Variants in COL13A1 observed in about 807,000 individuals in gnomAD.
COL13A1 encodes collagen alpha-1(XIII) chain.
A neutral mutation model predicts 130.9 loss-of-function variants in COL13A1; 89 were observed. That is an observed-to-expected ratio of 0.68 (90% confidence interval 0.57 to 0.81). The LOEUF is 0.81. Among genes scored for constraint, COL13A1 ranks in the 30% least tolerant of loss-of-function variants. COL13A1 has a pLI of 0.00. For synonymous variants in COL13A1, 402 were observed against 341.6 expected, an observed-to-expected ratio of 1.18 and a Z score of -1.95; for missense variants, 879 against 934.6, an observed-to-expected ratio of 0.94 and a Z score of 0.78.
intron 14 of COL13A1, among the ~76,000 whole-genome samples, chr10:69,900,137 C>T (rs1259269190): frequency 6.6e-6 from 1 of 152,194 alleles, no homozygotes. Context: ...GTACCAGGCC[C>T]ACCCCTGTCA....
chr10:69,829,494 G>A (rs747903889), intron 2 of COL13A1, among the ~76,000 whole-genome samples: 2 of 152,236 alleles, frequency 1.3e-5, no homozygotes, highest in African/African-American at 2.4e-5. Flanking sequence ...GACTATGGCT[G>A]ACGGGAGCCC....
chr10:69,906,799 C>T lies in COL13A1; in HGVS notation c.921+977C>T, dbSNP rs570240476. ...AGGCTGGAGTGCAATGGCGTGATCT[C>T]GGCTCACTGCAACCCCCGCCTCCCA... is the stretch of plus-strand genomic sequence containing the variant. On this transcript the variant is annotated intron_variant, in intron 17 of 40. Transcript: ENST00000645393. Among the ~76,000 whole-genome samples the T allele has an allele frequency of 2.6e-4, 40 of 152,058 alleles. No individual in the cohort carries two copies. The South Asian group carries it at 5.4e-3, about 21-fold the overall frequency.
At chr10:69,870,998 G>T (rs1035133444) in intron 3 of COL13A1, among the ~76,000 whole-genome samples, 1 of 152,080 alleles carries the variant, frequency 6.6e-6, no homozygotes, top group Admixed American at 6.5e-5. Flanking sequence ...GATGTCGGTT[G>T]TAAGGACACA....
chr10:69,857,704 C>T (rs1410722607), intron 2 of COL13A1, among the ~76,000 whole-genome samples: 8 of 152,050 alleles, frequency 5.3e-5, no homozygotes, highest in Non-Finnish European at 1.2e-4. Flanking sequence ...AATCAGCCTG[C>T]CCCTCACCAG....
At chr10:69,863,779 T>C (rs2133888838) in intron 2 of COL13A1, among the ~76,000 whole-genome samples, 1 of 152,210 alleles carries the variant, frequency 6.6e-6, no homozygotes, top group Admixed American at 6.5e-5. Context: ...GAAATAAAAG[T>C]TAAACAATCA....
intron 2 of COL13A1, among the ~76,000 whole-genome samples, chr10:69,858,482 C>G (rs11592923): frequency 0.032 from 4,863 of 152,278 alleles, 79 homozygotes; most frequent in Middle Eastern, 0.054. Flanking sequence ...GGCTCCAAAG[C>G]CTATGCTCTT....
At chr10:69,873,580 G>A (rs1176755173) in intron 4 of COL13A1, among the ~76,000 whole-genome samples, 1 of 152,150 alleles carries the variant, frequency 6.6e-6, no homozygotes, top group Non-Finnish European at 1.5e-5. Context: ...GCATTTTATG[G>A]CCAGGACTGC....
rs75959341 is a variant in COL13A1 at position 69,915,703 on chromosome 10, A to T, written c.922-1586A>T. Among the ~76,000 whole-genome samples, 1,037 of 152,334 alleles carry T rather than the reference A, an allele frequency of 6.8e-3. 11 individuals carry two copies. Among genetic ancestry groups the T allele is most frequent in the African/African-American group, 0.023 (962 of 41,578 alleles). ...TCAGAGGCCCTCAGGTCTGTGGTCC[A>T]TAGGGGTGCAGGAGTCAGTGTGCGA... is the stretch of plus-strand genomic sequence containing the variant. On this transcript the variant is annotated intron_variant, in intron 17 of 40. Coordinates refer to ENST00000645393, the MANE Select transcript of COL13A1 (RefSeq NM_001368882.1).
At chr10:69,922,633 C>A (rs776962041) in intron 22 of COL13A1, 75 bp from the exon 23 acceptor site, 4 of 1,078,290 alleles carry the variant, frequency 3.7e-6, no homozygotes, top group East Asian at 5.7e-5. Context: ...GGGCCCACAC[C>A]CCATAGTGTC....
chr10:69,944,724 AG>A (rs1274375300), intron 36 of COL13A1, among the ~76,000 whole-genome samples: 2 of 149,096 alleles, frequency 1.3e-5, no homozygotes, highest in Non-Finnish European at 3.0e-5. Context: ...AAAGAGGAAA[AG>A]AAAAAAAAAG....
chr10:69,916,546 C>A (rs768641222), intron 17 of COL13A1, among the ~76,000 whole-genome samples: 4 of 152,174 alleles, frequency 2.6e-5, no homozygotes, highest in Non-Finnish European at 4.4e-5. Context: ...TGTGGTGTGT[C>A]CTTCTTCCTG....
At chr10:69,877,686 C>G (rs1016405964) in intron 5 of COL13A1, 1 of 113,028 alleles carries the variant, frequency 8.8e-6, no homozygotes. Context: ...CTCTCTCTCT[C>G]TCTCTCTCTC....
intron 2 of COL13A1, among the ~76,000 whole-genome samples, chr10:69,838,495 C>T (rs1267006749): frequency 1.3e-5 from 2 of 152,328 alleles, no homozygotes; most frequent in South Asian, 4.1e-4. Context: ...GCACGTGGTA[C>T]AGTACCTGGC....
intron 1 of COL13A1, among the ~76,000 whole-genome samples, chr10:69,816,863 C>T (rs1282508975): frequency 6.6e-6 from 1 of 152,126 alleles, no homozygotes; most frequent in Non-Finnish European, 1.5e-5. Context: ...AGGAGTGGTC[C>T]AGGAGAGACG....
In COL13A1 at chr10:69,944,164, C is replaced by T. The variant is rs1490204807; in HGVS notation, c.1954C>T (p.Pro652Ser). The T allele has an allele frequency of 5.0e-6, 8 of 1,613,780 alleles. No homozygotes were observed. Among genetic ancestry groups the T allele is most frequent in the Non-Finnish European group, 6.8e-6 (8 of 1,179,794 alleles). Residue 652 changes from proline (P) to serine (S), a missense_variant, in exon 36 of 41, where the codon CCA becomes TCA. Physicochemically the swap from Pro to Ser is moderately conservative, Grantham distance 74. Around this residue, in one of 3 missense-constraint regions of COL13A1, gnomAD observed 96 missense variants for 147.7 expected, o/e 0.65. Transcript: ENST00000645393. ...AATTGGAGTTCCAGGCCCAGCGGGA[C>T]CAAAGGGCGAGAGGGTGAGTGTCAC... is the stretch of plus-strand genomic sequence containing the variant. ...GPIGVPGPAG[P>S]KGERGSKGDP...
chr10:69,813,298 A>C (rs1275143182), intron 1 of COL13A1, among the ~76,000 whole-genome samples: 1 of 152,150 alleles, frequency 6.6e-6, no homozygotes, highest in Non-Finnish European at 1.5e-5. Context: ...GCACACCATC[A>C]GTTCTGGGGC....
chr10:69,853,871 G>A (rs1004771631), intron 2 of COL13A1, among the ~76,000 whole-genome samples: 1 of 152,204 alleles, frequency 6.6e-6, no homozygotes, highest in Non-Finnish European at 1.5e-5. Context: ...GGATCAGAGA[G>A]GGGAAGAGAA....
At chr10:69,869,000 G>GCCTTGGGGCCTC (rs1331762049) in intron 3 of COL13A1, among the ~76,000 whole-genome samples, 1 of 152,234 alleles carries the variant, frequency 6.6e-6, no homozygotes, top group South Asian at 2.1e-4. Flanking sequence ...CCCCCACCCT[G>GCCTTGGGGCCTC]CCTTGGGGCC....
intron 32 of COL13A1, 137 bp downstream of exon 32, chr10:69,935,528 G>T: frequency 1.6e-6 from 1 of 637,648 alleles, no homozygotes. Flanking sequence ...ACCCCTCCCC[G>T]CTCCTTTTCC....
Sources: allele counts gnomAD v4.1 joint callset (sites outside exome capture counted in the v4.1 genomes callset), GRCh38; gene constraint gnomAD v4.1.1; regional missense constraint gnomAD v4.1.1; transcripts MANE v1.5; gene names NCBI Gene and HGNC (gene_info 2026-07-23, HGNC 2026-07-21).